The following SCN4A variants were observed in gnomAD, a reference collection of about 807,000 sequenced individuals.
SCN4A encodes sodium channel protein type 4 subunit alpha.
Under a neutral mutation model 162.0 loss-of-function variants are expected in SCN4A, and 83 were observed. That is an observed-to-expected ratio of 0.51 (90% CI 0.43 to 0.61). The LOEUF (loss-of-function observed/expected upper bound fraction) is 0.61. Among genes scored for constraint, SCN4A ranks in the 20% least tolerant of loss-of-function variants. The probability of loss-of-function intolerance (pLI) is 0.00; values close to 1 mark genes in which losing one functional copy is unlikely to be tolerated. For synonymous variants in SCN4A, 944 were observed against 985.1 expected (o/e 0.96, Z 0.78); for missense variants, 2,196 against 2,462.5 (o/e 0.89, Z 2.29).
rs1340437631 is a variant in SCN4A at position 63,948,601 on chromosome 17, C to T, written c.3144+10G>A. The T allele has an allele frequency of 7.4e-6, 12 of 1,611,400 alleles. No homozygotes were observed. Among genetic ancestry groups the T allele is most frequent in the Admixed American group, 1.7e-5 (1 of 59,886 alleles). The stretch of plus-strand genomic sequence containing the variant: ...CCTGCCCCTGACCCGTGCTCCCAGG[C>T]AGTGCCTACCAGAGCCCCACTGCTG... On this transcript the variant is annotated intron_variant, in intron 16 of 23. Coordinates refer to ENST00000435607, the MANE Select transcript of SCN4A (RefSeq NM_000334.4).
At chr17:63,963,148 A>G (rs1909321511) in intron 10 of SCN4A, among the ~76,000 whole-genome samples, 1 of 151,562 alleles carries the variant, frequency 6.6e-6, no homozygotes, top group South Asian at 2.1e-4. Flanking sequence ...GTGTCTATTC[A>G]CCCTCTCTCA....
chr17:63,951,330 C>G lies in SCN4A; in HGVS notation c.2853+94G>C. On this transcript the variant is annotated intron_variant, in intron 14 of 23. Transcript: ENST00000435607. This position sits in a 1 kb window ranked among gnomAD's most constrained non-coding sequence, Gnocchi z 4.5. ...ATAGGGCACCACCCCCATTTTACAG[C>G]TGGAGAAACTGAGGCTCAGAGAGGA... 1.2e-6 allele frequency: 1 copy of G among 853,842 alleles called. No individual in the cohort carries two copies. Among genetic ancestry groups the G allele is most frequent in the Non-Finnish European group, 1.8e-6 (1 of 550,526 alleles). The allele number at this position is 853,842 out of a possible 1,614,324, so 52.9% of individuals were successfully genotyped here.
At position 63,951,520 on chromosome 17, in the gene SCN4A, G is replaced by A. The variant is rs1908906809; in HGVS notation, c.2757C>T (p.Tyr919=). The A allele has an allele frequency of 2.5e-6, 4 of 1,614,008 alleles. No individual in the cohort carries two copies. Among genetic ancestry groups the A allele is most frequent in the Non-Finnish European group, 3.4e-6 (4 of 1,179,890 alleles). ...LDHLNFINNP[Y]LTIQVPIASE... ...AGGCGATGGGCACCTGTATGGTCAG[G>A]TAGGGGTTGTTGATGAAGTTAAGGT... Residue 919 remains tyrosine, a synonymous_variant, in exon 14 of 24, where the codon TAC becomes TAT. Transcript: ENST00000435607. The surrounding 1 kb of genome is among the most constrained non-coding windows in gnomAD (Gnocchi z 4.5).
At chr17:63,949,753 T>G in intron 14 of SCN4A, 1 of 463,610 alleles carries the variant, frequency 2.2e-6, no homozygotes, top group Non-Finnish European at 3.8e-6. Flanking sequence ...GGGGCGGGGC[T>G]GATGCCTGGG....
intron 7 of SCN4A, 82 bp downstream of exon 7, chr17:63,966,399 C>T: frequency 1.4e-6 from 2 of 1,425,476 alleles, no homozygotes; most frequent in African/African-American, 1.4e-5. Flanking sequence ...CACTCCCATG[C>T]CCCCCAGGTC....
chr17:63,949,953 C>T (rs913883641), intron 14 of SCN4A, among the ~76,000 whole-genome samples: 1 of 152,092 alleles, frequency 6.6e-6, no homozygotes, highest in African/African-American at 2.4e-5. Context: ...TGTGGTGCCC[C>T]TAGCGTCTGA....
At position 63,972,151 on chromosome 17, in the gene SCN4A, C is replaced by T; in HGVS notation, c.467G>A (p.Trp156Ter). The change falls in exon 3 of 24, where the codon TGG becomes TAG. Residue 156 changes from tryptophan (W) to a stop codon, truncating the protein, a stop_gained. Coordinates refer to ENST00000435607, the MANE Select transcript of SCN4A (RefSeq NM_000334.4). LOFTEE classifies it high-confidence loss of function. This position sits in a 1 kb window ranked among gnomAD's most constrained non-coding sequence, Gnocchi z 4.3. ...GGAGACTTACTCCACATTCTTGGAC[C>T]AGGGAGGCGGGTCACTCATGGTCAT... is the stretch of plus-strand genomic sequence containing the variant. ...VFMTMSDPPPWSKNVEYTFTG... is the reference protein window; with the variant it reads ...VFMTMSDPPP The T allele has an allele frequency of 1.2e-6, 2 of 1,613,030 alleles. No homozygotes were observed. Among genetic ancestry groups the T allele is most frequent in the Non-Finnish European group, 1.7e-6 (2 of 1,179,446 alleles).
chr17:63,943,944 C>T (rs1043393381), intron 21 of SCN4A, 94 bp from the exon 22 acceptor site: 7 of 740,970 alleles, frequency 9.4e-6, no homozygotes, highest in Non-Finnish European at 2.4e-6. Context: ...ACCTTTAAGG[C>T]AGCCCCCGCC....
rs1908863978 is a variant in SCN4A, at chr17:63,950,200, C to T, written c.2854-672G>A. Reference sequence around the variant, plus strand: ...ACCCCTTCAAGGCTGAGGGTGAGGCCTCTGAAGAGAAGGAAGAAGAGGGCA... The same window carrying T: ...ACCCCTTCAAGGCTGAGGGTGAGGCTTCTGAAGAGAAGGAAGAAGAGGGCA... On this transcript the variant is annotated intron_variant, in intron 14 of 23. Coordinates refer to ENST00000435607, the MANE Select transcript of SCN4A (RefSeq NM_000334.4). The surrounding 1 kb of genome is among the most constrained non-coding windows in gnomAD (Gnocchi z 4.6). Among the ~76,000 whole-genome samples, 1 of 152,020 alleles carries T rather than the reference C, an allele frequency of 6.6e-6. No individual in the cohort carries two copies. The highest frequency in any genetic ancestry group is 1.5e-5 in the Non-Finnish European group (1 of 67,998).
chr17:63,972,528 T>A lies in SCN4A; in HGVS notation c.273+41A>T, dbSNP rs781417622. 8.7e-6 allele frequency: 14 copies of A among 1,601,574 alleles called. No homozygotes were observed. In the South Asian group the frequency reaches 1.6e-4, roughly 18 times the overall value. On this transcript the variant is annotated intron_variant, in intron 1 of 23. Transcript: ENST00000435607. The surrounding 1 kb of genome is among the most constrained non-coding windows in gnomAD (Gnocchi z 4.3). ...ACAGACAGACAGGCAGACAGATGGA[T>A]GGATGGCAGACAGACAGAGGAAGCC...
intron 16 of SCN4A, 108 bp from the exon 17 acceptor site, chr17:63,948,171 G>A (rs972883683): frequency 2.3e-6 from 2 of 862,714 alleles, no homozygotes; most frequent in Non-Finnish European, 1.7e-6. Context: ...TGCCGTGGGG[G>A]CCCAGCCCAA....
chr17:63,964,637 A>G lies in SCN4A; in HGVS notation c.1283T>C (p.Val428Ala). 6.2e-7 allele frequency: 1 copy of G among 1,612,312 alleles called. No individual in the cohort carries two copies. Among genetic ancestry groups the G allele is most frequent in the Non-Finnish European group, 8.5e-7 (1 of 1,179,396 alleles). Reference sequence around the variant, plus strand: ...GAAAGAGCCCAGGAAGATGATGACCACGAAGAAGATCATGTAGGTCTTGCC... The same window carrying G: ...GAAAGAGCCCAGGAAGATGATGACCGCGAAGAAGATCATGTAGGTCTTGCC... ...AAGKTYMIFF[V>A]VIIFLGSFYL... Residue 428 changes from valine to alanine, a missense_variant, in exon 9 of 24, where the codon GTG (valine) becomes GCG (alanine). By Grantham distance (64) the Val-to-Ala change is moderately conservative. Coordinates refer to ENST00000435607, the MANE Select transcript of SCN4A (RefSeq NM_000334.4).
intron 11 of SCN4A, 35 bp downstream of exon 11, chr17:63,961,158 G>A (rs778656647): frequency 2.0e-6 from 2 of 1,018,330 alleles, no homozygotes; most frequent in Admixed American, 4.1e-5. Flanking sequence ...CTCCCATCCT[G>A]CCCATGAATG....
rs553910919 is a variant in SCN4A at position 63,957,487 on chromosome 17, G to A, written c.2051C>T (p.Pro684Leu). The change falls in exon 13 of 24, where the codon CCA becomes CTA. Residue 684 changes from proline (P) to leucine (L), a missense_variant. By Grantham distance (98) the Pro-to-Leu change is moderately conservative. Coordinates refer to ENST00000435607, the MANE Select transcript of SCN4A (RefSeq NM_000334.4). ...LRVFKLAKSW[P>L]TLNMLIKIIG... ...GATCTTGATGAGCATGTTCAGCGTT[G>A]GCCACGACTTGGCCAGCTTGAAGAC... The A allele has an allele frequency of 6.2e-7, 1 of 1,612,736 alleles. No individual in the cohort carries two copies. The highest frequency in any genetic ancestry group is 1.1e-5 in the South Asian group (1 of 91,072).
Position 63,964,454 on chromosome 17 carries a change from C to G in SCN4A, c.1452+14G>C. ...GAACCCTGGGTCCTCTATCTCCTTT[C>G]CCTGAGTCCAGACCTTCTCCAGCTC... is the stretch of plus-strand genomic sequence containing the variant. On this transcript the variant is annotated intron_variant, in intron 9 of 23. Transcript: ENST00000435607. 2 of 1,612,844 alleles carry G rather than the reference C, an allele frequency of 1.2e-6. No individual in the cohort carries two copies. Among genetic ancestry groups the G allele is most frequent in the Non-Finnish European group, 1.7e-6 (2 of 1,178,968 alleles).
intron 12 of SCN4A, among the ~76,000 whole-genome samples, chr17:63,958,347 C>G (rs888757653): frequency 6.6e-6 from 1 of 151,312 alleles, no homozygotes; most frequent in Non-Finnish European, 1.5e-5. Flanking sequence ...ACAGAGAAAC[C>G]CTGTCTAAAA....
At chr17:63,969,925 G>A (rs943300726) in intron 5 of SCN4A, among the ~76,000 whole-genome samples, 13 of 152,108 alleles carry the variant, frequency 8.5e-5, no homozygotes, top group Non-Finnish European at 1.3e-4. Context: ...TTACAGGTAT[G>A]GGCCACCACA....
intron 11 of SCN4A, 91 bp downstream of exon 11, chr17:63,961,102 G>T: frequency 1.3e-6 from 1 of 773,194 alleles, no homozygotes; most frequent in Non-Finnish European, 2.1e-6. Flanking sequence ...CCCCCACCGT[G>T]CCCTATATTT....
rs1160617863 is a variant in SCN4A at position 63,948,075 on chromosome 17, A to G, written c.3145-12T>C. 1 of 1,588,358 alleles carries G rather than the reference A, an allele frequency of 6.3e-7. No homozygotes were observed. The highest frequency in any genetic ancestry group is 1.3e-5 in the African/African-American group (1 of 74,462). On this transcript the variant is annotated splice_polypyrimidine_tract_variant and intron_variant, in intron 16 of 23. Transcript: ENST00000435607. ...ATGTCCTCGAAGGCCTGGGGGCACCAGCACCACCAGGGTGGCTGGGGTCCA... is the reference window on the plus strand; with the variant it reads ...ATGTCCTCGAAGGCCTGGGGGCACCGGCACCACCAGGGTGGCTGGGGTCCA...
Sources: gnomAD v4.1 joint callset for allele counts (sites outside exome capture counted in the v4.1 genomes callset) on GRCh38, gnomAD v4.1.1 for gene constraint, Gnocchi (gnomAD v3.1) non-coding constraint, MANE v1.5 for transcripts, NCBI Gene and HGNC (gene_info 2026-07-23, HGNC 2026-07-21) for gene names.